CSTPP1: variants seen among roughly 807,000 people sequenced by gnomAD.
The protein encoded by CSTPP1 is centriolar satellite-associated tubulin polyglutamylase complex regulator 1, also known as UPF0705 protein C11orf49.
the CSTPP1 span, among the ~76,000 whole-genome samples, chr11:46,941,941 A>G: frequency 1.3e-5 from 2 of 152,304 alleles, no homozygotes; most frequent in African/African-American, 4.8e-5. Context: ...AGGGATACCT[A>G]TCCAAAGAAT....
At chr11:47,011,196 A>G in the CSTPP1 span, among the ~76,000 whole-genome samples, 2 of 152,194 alleles carry the variant, frequency 1.3e-5, no homozygotes, top group South Asian at 2.1e-4. Flanking sequence ...CAAACTTTTT[A>G]TCAAAAAAAA....
chr11:46,976,393 TCACACA>T, the CSTPP1 span, among the ~76,000 whole-genome samples: 5,512 of 148,206 alleles, frequency 0.037, 295 homozygotes, highest in African/African-American at 0.12. Flanking sequence ...TAGGTTTCAG[TCACACA>T]CACACACACA....
the CSTPP1 span, among the ~76,000 whole-genome samples, chr11:46,956,834 T>C: frequency 2.0e-5 from 3 of 151,936 alleles, no homozygotes; most frequent in South Asian, 2.1e-4. Context: ...AACAAAATTA[T>C]TATAATTTTT....
the CSTPP1 span, chr11:47,138,156 G>C: frequency 5.8e-6 from 1 of 173,482 alleles, no homozygotes; most frequent in South Asian, 1.6e-4. Flanking sequence ...CGTGGCCTCA[G>C]GAAACTTACA....
the CSTPP1 span, among the ~76,000 whole-genome samples, chr11:46,977,865 G>A: frequency 6.6e-6 from 1 of 152,194 alleles, no homozygotes; most frequent in African/African-American, 2.4e-5. Context: ...GAAGGAACAA[G>A]TGCCTTCTCA....
chr11:47,134,315 C>G, the CSTPP1 span, among the ~76,000 whole-genome samples: 1 of 152,038 alleles, frequency 6.6e-6, no homozygotes, highest in African/African-American at 2.4e-5. Context: ...CTCCTGCCCC[C>G]CAAGTAGCTG....
the CSTPP1 span, among the ~76,000 whole-genome samples, chr11:47,003,251 G>T: frequency 6.6e-6 from 1 of 152,232 alleles, no homozygotes; most frequent in Non-Finnish European, 1.5e-5. Flanking sequence ...AACTCTAGCA[G>T]ATCAATCTGT....
the CSTPP1 span, among the ~76,000 whole-genome samples, chr11:47,039,160 G>C: frequency 3.5e-4 from 44 of 127,350 alleles, 1 homozygote; most frequent in African/African-American, 9.9e-4. Flanking sequence ...GCTGCTGGGA[G>C]GTGAAGGTTG....
At chr11:47,135,976 A>ACTCTCT in the CSTPP1 span, among the ~76,000 whole-genome samples, 5 of 144,464 alleles carry the variant, frequency 3.5e-5, no homozygotes, top group Non-Finnish European at 6.1e-5. Flanking sequence ...TAATTAAGTA[A>ACTCTCT]CTCTCTCTCT....
the CSTPP1 span, chr11:47,159,945 A>C: frequency 3.0e-6 from 1 of 334,816 alleles, no homozygotes; most frequent in Non-Finnish European, 5.9e-6. Flanking sequence ...CGGAGGTTGC[A>C]GTGAGCCAAG....
At chr11:47,055,010 A>T in the CSTPP1 span, among the ~76,000 whole-genome samples, 1 of 131,794 alleles carries the variant, frequency 7.6e-6, no homozygotes, top group Admixed American at 9.7e-5. Context: ...ACACAATCTC[A>T]GCTCACTGCA....
chr11:47,052,276 G>A, the CSTPP1 span: 3 of 1,340,202 alleles, frequency 2.2e-6, no homozygotes, highest in South Asian at 1.5e-5. Flanking sequence ...GTTTTGTTGG[G>A]GAGAAAAATT....
chr11:46,984,549 A>G, the CSTPP1 span, among the ~76,000 whole-genome samples: 2 of 151,686 alleles, frequency 1.3e-5, no homozygotes, highest in African/African-American at 4.9e-5. Context: ...CCTTTTTTAT[A>G]TTTTTGGTAT....
the CSTPP1 span, among the ~76,000 whole-genome samples, chr11:47,020,267 A>G: frequency 6.6e-6 from 1 of 152,228 alleles, no homozygotes; most frequent in Non-Finnish European, 1.5e-5. Context: ...ACTGGAGAAT[A>G]GTTTATAAAT....
At chr11:46,970,707 C>T in the CSTPP1 span, among the ~76,000 whole-genome samples, 58 of 151,738 alleles carry the variant, frequency 3.8e-4, no homozygotes, top group African/African-American at 4.8e-5. Context: ...AGAATAAGGA[C>T]GATTATGATG....
At chr11:46,973,243 C>T in the CSTPP1 span, among the ~76,000 whole-genome samples, 656 of 152,272 alleles carry the variant, frequency 4.3e-3, 1 homozygote, top group African/African-American at 0.015. Context: ...CTAGCATGCG[C>T]TAACCTAGGT....
the CSTPP1 span, among the ~76,000 whole-genome samples, chr11:47,098,633 G>A: frequency 3.3e-5 from 5 of 151,726 alleles, no homozygotes; most frequent in African/African-American, 7.3e-5. Flanking sequence ...AGCCTCCTGC[G>A]TAGCTGGGAT....
the CSTPP1 span, among the ~76,000 whole-genome samples, chr11:47,033,882 A>G: frequency 6.6e-6 from 1 of 152,144 alleles, no homozygotes; most frequent in East Asian, 1.9e-4. Context: ...GGGGGCAAGT[A>G]TTACAGACCA....
the CSTPP1 span, among the ~76,000 whole-genome samples, chr11:47,064,463 G>A: frequency 6.6e-6 from 1 of 152,078 alleles, no homozygotes; most frequent in Non-Finnish European, 1.5e-5. Context: ...ATAAATTTAG[G>A]TATTTGATCA....
Sources: gnomAD v4.1 joint callset for allele counts (sites outside exome capture counted in the v4.1 genomes callset) on GRCh38, gnomAD v4.1.1 for gene constraint, MANE v1.5 for transcripts, NCBI Gene and HGNC (gene_info 2026-07-23, HGNC 2026-07-21) for gene names.